PEPD: variants seen among roughly 807,000 people sequenced by gnomAD.
The protein encoded by PEPD is peptidase D.
Under a neutral mutation model 60.7 loss-of-function variants are expected in PEPD, and 53 were observed. The observed-to-expected ratio is 0.87, with a 90% CI of 0.70 to 1.10. The LOEUF is 1.10. Among genes scored for constraint, PEPD ranks in the 50% least tolerant of loss-of-function variants. The pLI is 0.00. For synonymous variants in PEPD, 267 were observed against 284.1 expected (o/e 0.94, Z 0.60); for missense variants, 711 against 711.9 (o/e 1.00, Z 0.01).
intron 9 of PEPD, among the ~76,000 whole-genome samples, chr19:33,448,390 C>T (rs911452448): frequency 6.6e-6 from 1 of 152,184 alleles, no homozygotes; most frequent in Non-Finnish European, 1.5e-5. Flanking sequence ...GCTAAACACC[C>T]TCCCATCTAC....
intron 6 of PEPD, among the ~76,000 whole-genome samples, chr19:33,480,813 C>CGTGTGTGTGT (rs67751032): frequency 7.8e-6 from 1 of 127,748 alleles, no homozygotes; most frequent in Non-Finnish European, 1.6e-5. Context: ...ATATATATAG[C>CGTGTGTGTGT]GTGTGTGTGT....
At chr19:33,487,674 T>C (rs771468661) in intron 6 of PEPD, among the ~76,000 whole-genome samples, 2 of 152,098 alleles carry the variant, frequency 1.3e-5, no homozygotes, top group Non-Finnish European at 2.9e-5. Context: ...CTGGCCTGGA[T>C]CAGAGATTGG....
At chr19:33,457,659 C>T (rs1344615998) in intron 9 of PEPD, among the ~76,000 whole-genome samples, 1 of 152,208 alleles carries the variant, frequency 6.6e-6, no homozygotes, top group African/African-American at 2.4e-5. Context: ...TACAGGCGCC[C>T]GACACCTAGC....
intron 9 of PEPD, among the ~76,000 whole-genome samples, chr19:33,458,580 T>TGGTGTGTGTGTGGTGTGG (rs1219032503): frequency 3.4e-5 from 2 of 58,018 alleles, no homozygotes; most frequent in Non-Finnish European, 3.4e-5. Context: ...GGAACGAGTG[T>TGGTGTGTGTGTGGTGTGG]GGTGTGTGTG....
rs550109895 is a variant in PEPD, at chr19:33,489,172, A to G, written c.503+824T>C. 2.6e-5 allele frequency among the ~76,000 whole-genome samples: 4 copies of G among 152,188 alleles called. No homozygotes were observed. In the South Asian group the frequency reaches 8.3e-4, roughly 32 times the overall value. On this transcript the variant is annotated intron_variant, in intron 6 of 14. Coordinates refer to ENST00000244137, the MANE Select transcript of PEPD (RefSeq NM_000285.4). ...GCCCAAGGTCTGTCCTCCTGCCTGGAGAGAAAAGGGGAACCGCTTCCCAAG... is the reference window on the plus strand; with the variant it reads ...GCCCAAGGTCTGTCCTCCTGCCTGGGGAGAAAAGGGGAACCGCTTCCCAAG...
intron 11 of PEPD, among the ~76,000 whole-genome samples, chr19:33,410,496 T>C (rs1327960286): frequency 1.3e-5 from 2 of 152,166 alleles, no homozygotes; most frequent in East Asian, 3.9e-4. Flanking sequence ...GGCTGGGGAC[T>C]CTGGGGGGTG....
chr19:33,473,753 C>T (rs1970168128), intron 7 of PEPD, among the ~76,000 whole-genome samples: 1 of 152,194 alleles, frequency 6.6e-6, no homozygotes, highest in Admixed American at 6.5e-5. Flanking sequence ...AGTAAGATGC[C>T]TGCTCTTTTG....
At chr19:33,507,315 G>A (rs965676712) in intron 3 of PEPD, among the ~76,000 whole-genome samples, 2 of 151,992 alleles carry the variant, frequency 1.3e-5, no homozygotes, top group Non-Finnish European at 2.9e-5. Context: ...GCCCAACTCC[G>A]ATGAAAAATG....
At chr19:33,468,447 C>T (rs1455923853) in intron 7 of PEPD, among the ~76,000 whole-genome samples, 2 of 152,268 alleles carry the variant, frequency 1.3e-5, no homozygotes, top group African/African-American at 2.4e-5. Flanking sequence ...TCCTCCTCCT[C>T]GGCCTGGCCA....
At chr19:33,482,294 A>C (rs1970325651) in intron 6 of PEPD, among the ~76,000 whole-genome samples, 1 of 152,246 alleles carries the variant, frequency 6.6e-6, no homozygotes, top group Non-Finnish European at 1.5e-5. Flanking sequence ...ACATACAAAA[A>C]GAAATCAATG....
At chr19:33,401,581 T>C (rs904791348) in intron 12 of PEPD, 140 bp downstream of exon 12, 5 of 822,304 alleles carry the variant, frequency 6.1e-6, no homozygotes, top group Non-Finnish European at 1.0e-5. Flanking sequence ...CTGACGCCAC[T>C]GGAATCTCAG....
chr19:33,413,691 C>G lies in PEPD; in HGVS notation c.672-48G>C, dbSNP rs1361321920. On this transcript the variant is annotated intron_variant, in intron 9 of 14. Coordinates refer to ENST00000244137, the MANE Select transcript of PEPD (RefSeq NM_000285.4). ...GGGTTGGGGCACTAGAGCAGGCACACCCCACTCCACGAGCCCCATGAACCC... is the reference window on the plus strand; with the variant it reads ...GGGTTGGGGCACTAGAGCAGGCACAGCCCACTCCACGAGCCCCATGAACCC... The G allele has an allele frequency of 2.6e-6, 3 of 1,144,698 alleles. No homozygotes were observed. The Admixed American group carries it at 5.9e-5, about 22-fold the overall frequency. The allele number at this position is 1,144,698 out of a possible 1,614,324, so 70.9% of individuals were successfully genotyped here.
At chr19:33,479,417 TTTTTAA>T (rs1970276057) in intron 6 of PEPD, among the ~76,000 whole-genome samples, 1 of 152,308 alleles carries the variant, frequency 6.6e-6, no homozygotes, top group African/African-American at 2.4e-5. Context: ...TCTTTTTTTT[TTTTTAA>T]TTTTAAGTTC....
At chr19:33,474,109 T>C (rs1437217424) in intron 7 of PEPD, among the ~76,000 whole-genome samples, 5 of 152,122 alleles carry the variant, frequency 3.3e-5, no homozygotes, top group Admixed American at 3.3e-4. Context: ...TGCCCCCTGG[T>C]TCTCCACCCT....
intron 9 of PEPD, among the ~76,000 whole-genome samples, chr19:33,420,950 A>C (rs943839242): frequency 6.6e-6 from 1 of 152,118 alleles, no homozygotes; most frequent in Non-Finnish European, 1.5e-5. Context: ...ATGTAAATGG[A>C]ATCAAACAAT....
intron 9 of PEPD, among the ~76,000 whole-genome samples, chr19:33,440,556 G>A (rs1208191040): frequency 6.6e-6 from 1 of 152,000 alleles, no homozygotes; most frequent in Non-Finnish European, 1.5e-5. Context: ...GAGTCTCCTG[G>A]CTGTTTCTGT....
At chr19:33,427,458 G>A (rs968309375) in intron 9 of PEPD, among the ~76,000 whole-genome samples, 3 of 152,208 alleles carry the variant, frequency 2.0e-5, no homozygotes, top group Non-Finnish European at 4.4e-5. Context: ...GAGGATGGGA[G>A]GGGCGATTTA....
intron 3 of PEPD, among the ~76,000 whole-genome samples, chr19:33,504,292 G>T (rs892766448): frequency 1.3e-5 from 2 of 152,214 alleles, no homozygotes; most frequent in Non-Finnish European, 2.9e-5. Flanking sequence ...GGCCACACAA[G>T]CCCTGCAAAG....
At chr19:33,431,700 T>C (rs1473009328) in intron 9 of PEPD, among the ~76,000 whole-genome samples, 1 of 151,926 alleles carries the variant, frequency 6.6e-6, no homozygotes, top group Non-Finnish European at 1.5e-5. Context: ...ATGATCAAAA[T>C]GGGAAGATTA....
Sources: allele counts gnomAD v4.1 joint callset (sites outside exome capture counted in the v4.1 genomes callset), GRCh38; gene constraint gnomAD v4.1.1; transcripts MANE v1.5; gene names NCBI Gene and HGNC (gene_info 2026-07-23, HGNC 2026-07-21).